ZNF536: variants seen among roughly 807,000 people sequenced by gnomAD.
ZNF536 encodes the protein zinc finger protein 536.
Under a neutral mutation model 84.5 loss-of-function variants are expected in ZNF536, and 13 were observed. The ratio of observed to expected loss-of-function variants is 0.15; its 90% CI spans 0.10 to 0.24. ZNF536 has a LOEUF of 0.24. ZNF536 is among the 10% of genes least tolerant of loss of function. The pLI is 1.00. For synonymous variants in ZNF536, 811 were observed against 742.5 expected (o/e 1.09, Z -1.50); for missense variants, 1,536 against 1,747.5 (o/e 0.88, Z 2.16).
chr19:30,402,102 A>G (rs2050067222), intron 1 of ZNF536, among the ~76,000 whole-genome samples: 1 of 152,232 alleles, frequency 6.6e-6, no homozygotes, highest in Admixed American at 6.5e-5. Context: ...ATTTTTCTAT[A>G]GTTCTCAGCC....
chr19:30,366,515 T>C (rs938084590), intron 3 of ZNF536, among the ~76,000 whole-genome samples: 5 of 152,134 alleles, frequency 3.3e-5, no homozygotes, highest in Non-Finnish European at 5.9e-5. Context: ...AATCTATCTA[T>C]GTATTTAGCA....
At chr19:30,655,778 C>T (rs879547115) in intron 1 of ZNF536, among the ~76,000 whole-genome samples, 11 of 152,216 alleles carry the variant, frequency 7.2e-5, no homozygotes, top group Non-Finnish European at 1.2e-4. Flanking sequence ...GTGGCTTACA[C>T]CTGTAATCCC....
chr19:30,377,530 A>G (rs1460337594), intron 1 of ZNF536, among the ~76,000 whole-genome samples: 1 of 152,200 alleles, frequency 6.6e-6, no homozygotes, highest in African/African-American at 2.4e-5. Flanking sequence ...ACTCGTAGAC[A>G]GAGTAGGGCG....
intron 1 of ZNF536, among the ~76,000 whole-genome samples, chr19:30,595,584 G>A (rs914947759): frequency 2.0e-5 from 3 of 152,152 alleles, no homozygotes; most frequent in South Asian, 2.1e-4. Flanking sequence ...CACCATGCCT[G>A]GCCAGAACTC....
At chr19:30,428,856 A>G (rs2051325759) in intron 1 of ZNF536, among the ~76,000 whole-genome samples, 1 of 152,160 alleles carries the variant, frequency 6.6e-6, no homozygotes, top group Admixed American at 6.5e-5. Context: ...GCAAAGTTCA[A>G]CTGCAGATGG....
rs201542417 is a variant in ZNF536, at chr19:30,443,782, G to A, written c.220G>A (p.Gly74Ser). The change falls in exon 2 of 5, where the codon GGC becomes AGC. Residue 74 changes from glycine to serine, a missense_variant. Transcript: ENST00000355537. ...GGAGAAGGCCCACGTGCCCATGAGC[G>A]GCCAGCCCATGGGCAGTCAGATGGC... ...LEEKAHVPMS[G>S]QPMGSQMALL... 4 of 1,612,730 alleles carry A rather than the reference G, an allele frequency of 2.5e-6. No homozygotes were observed. The highest frequency in any genetic ancestry group is 3.4e-6 in the Non-Finnish European group (4 of 1,179,430).
At chr19:30,608,208 T>C (rs150462588) in intron 1 of ZNF536, among the ~76,000 whole-genome samples, 6 of 152,336 alleles carry the variant, frequency 3.9e-5, no homozygotes, top group Admixed American at 6.5e-5. Flanking sequence ...CTTTTTCAAG[T>C]ATCAGACCAG....
At chr19:30,360,400 T>C (rs1181906521) in intron 3 of ZNF536, among the ~76,000 whole-genome samples, 1 of 152,258 alleles carries the variant, frequency 6.6e-6, no homozygotes, top group African/African-American at 2.4e-5. Flanking sequence ...CACAGGATAA[T>C]TGCAGAACGC....
At chr19:30,462,179 C>T (rs1481120661) in intron 2 of ZNF536, among the ~76,000 whole-genome samples, 7 of 152,144 alleles carry the variant, frequency 4.6e-5, no homozygotes, top group Non-Finnish European at 7.3e-5. Context: ...GGGGCTGGCA[C>T]GAGGCCCTGG....
At chr19:30,246,435 T>C (rs1459997550) in intron 1 of ZNF536, among the ~76,000 whole-genome samples, 2 of 152,242 alleles carry the variant, frequency 1.3e-5, no homozygotes, top group African/African-American at 4.8e-5. Context: ...CTTTTATCCA[T>C]ATTATTTCTT....
rs564324381 is a variant in ZNF536 at position 30,498,600 on chromosome 19, T to A, written c.2171-36247T>A. Among the ~76,000 whole-genome samples, 72 of 127,500 alleles carry A rather than the reference T, an allele frequency of 5.6e-4. 1 individual carries two copies. The South Asian group carries it at 0.016, about 29-fold the overall frequency. 83.6% of individuals were successfully genotyped at this position (127,500 alleles called of 152,430 possible). A position where few individuals can be genotyped will look rare whatever the true frequency, so the allele number is the denominator to read the frequency against. On this transcript the variant is annotated intron_variant, in intron 2 of 4. Transcript: ENST00000355537. ...CACATGTACCCCCAGAATTAAAAAT[T>A]AAAAATAAAAAAAAGTTTCAAATAA...
At position 30,557,808 on chromosome 19, in the gene ZNF536, G is replaced by T. The variant is rs931218120; in HGVS notation, c.*644G>T. 2 of 152,514 alleles carry T rather than the reference G, an allele frequency of 1.3e-5. No individual in the cohort carries two copies. Among genetic ancestry groups the T allele is most frequent in the African/African-American group, 2.4e-5 (1 of 41,404 alleles). The allele number at this position is 152,514 out of a possible 1,614,324, so 9.4% of individuals were successfully genotyped here. On this transcript the variant is annotated 3_prime_UTR_variant, in exon 5 of 5. Coordinates refer to ENST00000355537, the MANE Select transcript of ZNF536 (RefSeq NM_014717.3). ...TGAAGCAAAATATGTAAACTTGTAC[G>T]GGGTGATCGTGTGCTTTGGAACAGA...
intron 1 of ZNF536, among the ~76,000 whole-genome samples, chr19:30,251,890 G>C (rs929249380): frequency 3.3e-5 from 5 of 152,128 alleles, no homozygotes; most frequent in African/African-American, 9.7e-5. Context: ...ATCCCATCCA[G>C]GTTGCTGTGA....
chr19:30,395,510 G>A (rs553818632), intron 1 of ZNF536, among the ~76,000 whole-genome samples: 2 of 152,296 alleles, frequency 1.3e-5, no homozygotes, highest in African/African-American at 2.4e-5. Flanking sequence ...CCAGACCTTG[G>A]TTTATCTGCC....
intron 1 of ZNF536, among the ~76,000 whole-genome samples, chr19:30,628,111 A>G (rs1371797908): frequency 1.3e-5 from 2 of 152,204 alleles, no homozygotes; most frequent in Admixed American, 1.3e-4. Context: ...TGCCCCAGAC[A>G]GTGATGAATC....
intron 1 of ZNF536, among the ~76,000 whole-genome samples, chr19:30,413,879 C>A (rs1290425664): frequency 6.6e-6 from 1 of 151,902 alleles, no homozygotes; most frequent in Non-Finnish European, 1.5e-5. Context: ...ATCATGAGGT[C>A]AGGAGTTCGA....
At chr19:30,703,039 C>G (rs1401522286) in intron 1 of ZNF536, among the ~76,000 whole-genome samples, 2 of 152,140 alleles carry the variant, frequency 1.3e-5, no homozygotes, top group Non-Finnish European at 2.9e-5. Context: ...TGTGTCACAG[C>G]CATGGTGGCA....
chr19:30,281,067 C>T (rs2045425574), intron 1 of ZNF536, among the ~76,000 whole-genome samples: 1 of 152,090 alleles, frequency 6.6e-6, no homozygotes, highest in South Asian at 2.1e-4. Context: ...TGCCGAGGCA[C>T]CTTCCACTTC....
At chr19:30,506,688 T>C (rs1319642784) in intron 2 of ZNF536, among the ~76,000 whole-genome samples, 1 of 152,206 alleles carries the variant, frequency 6.6e-6, no homozygotes, top group Non-Finnish European at 1.5e-5. Context: ...GAGAAACCTT[T>C]CTTTCCAAGG....
Sources: gnomAD v4.1 joint callset for allele counts (sites outside exome capture counted in the v4.1 genomes callset) on GRCh38, gnomAD v4.1.1 for gene constraint, MANE v1.5 for transcripts, NCBI Gene and HGNC (gene_info 2026-07-23, HGNC 2026-07-21) for gene names.